C5: variants seen among roughly 807,000 people sequenced by gnomAD.
C5 encodes complement C5.
Under a neutral mutation model 218.8 loss-of-function variants are expected in C5, and 140 were observed. The observed-to-expected ratio is 0.64, with a 90% CI of 0.56 to 0.74. C5 has a LOEUF of 0.74. Among genes scored for constraint, C5 ranks in the 30% least tolerant of loss-of-function variants. C5 has a pLI of 0.00. For missense variants in C5, 1,700 were observed against 1,969.6 expected (o/e 0.86, Z 2.59); for synonymous variants, 614 against 682.3 (o/e 0.90, Z 1.56).
chr9:121,023,359 C>A (rs1432480575), intron 10 of C5, 45 bp downstream of exon 10: 1 of 1,161,538 alleles, frequency 8.6e-7, no homozygotes, highest in South Asian at 1.2e-5. Context: ...ATGAACAGAA[C>A]AAGATGATCA....
chr9:121,043,939 C>A (rs1302201391), intron 2 of C5, among the ~76,000 whole-genome samples: 1 of 151,878 alleles, frequency 6.6e-6, no homozygotes, highest in Admixed American at 6.6e-5. Flanking sequence ...TGTAATTATC[C>A]CCTTTACATT....
At chr9:120,977,024 A>G in intron 28 of C5, 119 bp from the exon 29 acceptor site, 1 of 848,462 alleles carries the variant, frequency 1.2e-6, no homozygotes, top group Non-Finnish European at 1.9e-6. Context: ...TTCTTGTTAG[A>G]GGAACTTCCT....
At chr9:121,019,954 A>T (rs2047348609) in intron 12 of C5, 22 bp downstream of exon 12, 1 of 1,442,564 alleles carries the variant, frequency 6.9e-7, no homozygotes, top group African/African-American at 1.4e-5. Flanking sequence ...AATAAGATGT[A>T]AATCCATCAT....
At position 121,043,084 on chromosome 9, in the gene C5, G is replaced by C; in HGVS notation, c.341C>G (p.Ser114Ter). The change falls in exon 3 of 41, where the codon TCA becomes TGA. Residue 114 changes from serine to a stop codon, truncating the protein, a stop_gained. Transcript: ENST00000223642. LOFTEE classifies it high-confidence loss of function. Reference protein sequence around the residue: ...LEVVSKHFSKSKRMPITYDNG... With the variant: ...LEVVSKHFSK ...GTCATAGGTTATTGGCATTCTTTTT[G>C]ATTTTGAAAAATGCTTTGATACAAC... 3 of 1,612,654 alleles carry C rather than the reference G, an allele frequency of 1.9e-6. No homozygotes were observed. Among genetic ancestry groups the C allele is most frequent in the Non-Finnish European group, 8.5e-7 (1 of 1,179,040 alleles).
intron 33 of C5, among the ~76,000 whole-genome samples, chr9:120,964,721 G>T (rs2046854074): frequency 6.6e-6 from 1 of 152,174 alleles, no homozygotes; most frequent in Non-Finnish European, 1.5e-5. Context: ...AGAGAGAAAA[G>T]AATACTGAAA....
chr9:120,959,144 T>C (rs1197970477), intron 38 of C5, among the ~76,000 whole-genome samples: 1 of 152,134 alleles, frequency 6.6e-6, no homozygotes. Flanking sequence ...TCCATTGCAA[T>C]GAGAAACTGT....
chr9:121,002,320 A>ACG (rs2047178132), intron 20 of C5, among the ~76,000 whole-genome samples: 1 of 69,622 alleles, frequency 1.4e-5, no homozygotes, highest in African/African-American at 4.5e-5. Context: ...GTGTGTGTAT[A>ACG]TATATATATA....
At chr9:120,976,559 G>C (rs764822049) in intron 29 of C5, 141 bp downstream of exon 29, 25 of 762,078 alleles carry the variant, frequency 3.3e-5, no homozygotes, top group Middle Eastern at 3.5e-4. Flanking sequence ...CAGATAACCT[G>C]TAGGGGTCCT....
the C5 span, among the ~76,000 whole-genome samples, chr9:121,064,365 G>C: frequency 2.1e-4 from 32 of 152,146 alleles, no homozygotes; most frequent in African/African-American, 7.2e-4. Context: ...ACTAGCTTCT[G>C]TTGCTTCCTA....
intron 2 of C5, among the ~76,000 whole-genome samples, chr9:121,045,564 C>T (rs1234950963): frequency 6.6e-6 from 1 of 152,004 alleles, no homozygotes; most frequent in Non-Finnish European, 1.5e-5. Context: ...AACTGCAGAG[C>T]CCATTTTACG....
chr9:121,045,823 T>G (rs772342304), intron 2 of C5, among the ~76,000 whole-genome samples: 22 of 152,172 alleles, frequency 1.4e-4, no homozygotes, highest in Admixed American at 7.2e-4. Flanking sequence ...TCCATGGATT[T>G]TTGTGGGCAA....
In C5 at chr9:120,967,800, C is replaced by T. The variant is rs368345193; in HGVS notation, c.4220+1261G>A. 4.6e-5 allele frequency among the ~76,000 whole-genome samples: 7 copies of T among 152,138 alleles called. No individual in the cohort carries two copies. The East Asian group carries it at 9.6e-4, about 21-fold the overall frequency. On this transcript the variant is annotated intron_variant, in intron 33 of 40. Coordinates refer to ENST00000223642, the MANE Select transcript of C5 (RefSeq NM_001735.3). ...GCAGTGGCGTGGTCACAGCTCACTG[C>T]AGCCTCAACCTCCTGGGCTCAAGCA...
the C5 span, among the ~76,000 whole-genome samples, chr9:121,067,887 G>A: frequency 6.6e-6 from 1 of 152,246 alleles, no homozygotes; most frequent in African/African-American, 2.4e-5. Context: ...GTGAAACTGT[G>A]AGTCAATTAA....
At chr9:121,009,702 G>A (rs1170723072) in intron 17 of C5, among the ~76,000 whole-genome samples, 1 of 152,246 alleles carries the variant, frequency 6.6e-6, no homozygotes, top group Non-Finnish European at 1.5e-5. Flanking sequence ...AAAATCAGGT[G>A]AGCAATCACA....
chr9:120,957,123 C>A, intron 39 of C5, 162 bp downstream of exon 39: 1 of 581,314 alleles, frequency 1.7e-6, no homozygotes, highest in South Asian at 1.9e-5. Flanking sequence ...TTTATACGAA[C>A]ATCTTTAAAA....
intron 15 of C5, 96 bp downstream of exon 15, chr9:121,016,158 T>C (rs996285857): frequency 2.7e-6 from 4 of 1,470,730 alleles, no homozygotes; most frequent in Non-Finnish European, 3.8e-6. Context: ...CATTCTAAGA[T>C]CAGGGTACAG....
intron 9 of C5, among the ~76,000 whole-genome samples, chr9:121,025,140 G>A (rs1396627329): frequency 1.3e-5 from 2 of 152,016 alleles, no homozygotes; most frequent in Non-Finnish European, 2.9e-5. Flanking sequence ...GGACACTAGG[G>A]TGCCAAATGG....
intron 19 of C5, among the ~76,000 whole-genome samples, chr9:121,006,285 T>TAA (rs2047215137): frequency 6.6e-6 from 1 of 152,212 alleles, no homozygotes; most frequent in African/African-American, 2.4e-5. Context: ...AATAGTTAAT[T>TAA]CTATTTAAGG....
At chr9:120,991,016 G>C (rs1474067524) in intron 23 of C5, among the ~76,000 whole-genome samples, 175 bp downstream of exon 23, 1 of 152,196 alleles carries the variant, frequency 6.6e-6, no homozygotes, top group Non-Finnish European at 1.5e-5. Flanking sequence ...AAGATAGTGG[G>C]AAAAGTGATT....
Sources: allele counts gnomAD v4.1 joint callset (sites outside exome capture counted in the v4.1 genomes callset), GRCh38; gene constraint gnomAD v4.1.1; transcripts MANE v1.5; gene names NCBI Gene and HGNC (gene_info 2026-07-23, HGNC 2026-07-21).